The following NDUFAF2 variants were observed in gnomAD, a reference collection of about 807,000 sequenced individuals.
NDUFAF2 encodes the protein NADH dehydrogenase [ubiquinone] 1 alpha subcomplex assembly factor 2.
NDUFAF2 carries 13 observed loss-of-function variants against 22.8 expected under a neutral mutation model. That is an observed-to-expected ratio of 0.57 (90% CI 0.37 to 0.91). The LOEUF (loss-of-function observed/expected upper bound fraction) is 0.91, where lower values mean the gene tolerates loss of function less well. NDUFAF2 is among the 40% of genes least tolerant of loss of function. The pLI, the probability that NDUFAF2 is intolerant of heterozygous loss-of-function variation, is 0.01. For synonymous variants in NDUFAF2, 53 were observed against 64.2 expected (o/e 0.83, Z 0.84); for missense variants, 162 against 195.2 (o/e 0.83, Z 1.01).
rs113045276 is a variant in NDUFAF2, at chr5:61,052,069, A to T, written c.128-21056A>T. ...CGAAAAACAATATGTTACTTATTTT[A>T]AAAAAATCAAGCAATAAAGTACAAA... is the stretch of plus-strand genomic sequence containing the variant. On this transcript the variant is annotated intron_variant, in intron 1 of 3. Transcript: ENST00000296597. Among the ~76,000 whole-genome samples the T allele has an allele frequency of 3.6e-3, 547 of 152,250 alleles. 11 individuals are homozygous for T. The highest frequency in any genetic ancestry group is 0.012 in the African/African-American group (517 of 41,562).
rs1224955034 is a variant in NDUFAF2 at position 60,950,382 on chromosome 5, G to A, written c.127+5000G>A. On this transcript the variant is annotated intron_variant, in intron 1 of 3. Coordinates refer to ENST00000296597, the MANE Select transcript of NDUFAF2 (RefSeq NM_174889.5). The stretch of plus-strand genomic sequence containing the variant: ...TTTATTTTTAGGAGAGATGGGGTTC[G>A]CCATGTTGGACAGGCTGGTCTCGAA... Among the ~76,000 whole-genome samples, 7 of 151,922 alleles carry A rather than the reference G, an allele frequency of 4.6e-5. No homozygotes were observed. The South Asian group carries it at 6.3e-4, about 14-fold the overall frequency.
intron 1 of NDUFAF2, among the ~76,000 whole-genome samples, chr5:61,035,679 C>T (rs1319564762): frequency 1.3e-5 from 2 of 152,052 alleles, no homozygotes; most frequent in South Asian, 2.1e-4. Flanking sequence ...GGTAGCACTC[C>T]TCCTAATCAT....
intron 1 of NDUFAF2, among the ~76,000 whole-genome samples, chr5:61,051,673 T>C (rs967356345): frequency 6.6e-6 from 1 of 152,134 alleles, no homozygotes; most frequent in Non-Finnish European, 1.5e-5. Context: ...AATTGAGTTT[T>C]GTATAGGGAT....
At chr5:61,062,926 A>T (rs144650555) in intron 1 of NDUFAF2, among the ~76,000 whole-genome samples, 1 of 152,162 alleles carries the variant, frequency 6.6e-6, no homozygotes, top group Non-Finnish European at 1.5e-5. Context: ...AAAGAAATAA[A>T]CTGACAGTTA....
intron 1 of NDUFAF2, among the ~76,000 whole-genome samples, chr5:61,012,046 G>C (rs992606684): frequency 2.0e-5 from 3 of 152,046 alleles, no homozygotes; most frequent in African/African-American, 7.2e-5. Flanking sequence ...CGTCTTTAAA[G>C]CTTTGATAAT....
chr5:61,131,680 C>CA (rs1753113479), intron 3 of NDUFAF2, among the ~76,000 whole-genome samples: 2 of 151,574 alleles, frequency 1.3e-5, no homozygotes, highest in East Asian at 1.9e-4. Context: ...TATATTGACA[C>CA]AAAAAAGATG....
chr5:61,128,545 G>A (rs1048352605), intron 3 of NDUFAF2, among the ~76,000 whole-genome samples: 5 of 152,112 alleles, frequency 3.3e-5, no homozygotes, highest in Admixed American at 1.3e-4. Context: ...ACAAGAAATG[G>A]GGAAAGGTTT....
At chr5:61,139,758 G>T (rs1245160716) in intron 3 of NDUFAF2, among the ~76,000 whole-genome samples, 13 of 152,236 alleles carry the variant, frequency 8.5e-5, no homozygotes, top group Non-Finnish European at 1.5e-5. Flanking sequence ...GCAACCCAGA[G>T]TGAGAACTTA....
intron 1 of NDUFAF2, among the ~76,000 whole-genome samples, chr5:60,967,415 A>G (rs567116961): frequency 4.3e-4 from 65 of 152,076 alleles, no homozygotes; most frequent in African/African-American, 1.5e-3. Flanking sequence ...CCTTGTCTTG[A>G]TTCGGATCTT....
At chr5:60,969,995 G>T (rs1175016161) in intron 1 of NDUFAF2, among the ~76,000 whole-genome samples, 1 of 152,096 alleles carries the variant, frequency 6.6e-6, no homozygotes, top group African/African-American at 2.4e-5. Context: ...TTTCCCCACT[G>T]TGTGTTCTTG....
intron 1 of NDUFAF2, among the ~76,000 whole-genome samples, chr5:61,062,508 C>G (rs974846545): frequency 6.6e-6 from 1 of 151,868 alleles, no homozygotes; most frequent in East Asian, 1.9e-4. Context: ...TGGAATGACT[C>G]AGAGGAAAAA....
chr5:60,956,062 A>G (rs1750611164), intron 1 of NDUFAF2, among the ~76,000 whole-genome samples: 1 of 151,748 alleles, frequency 6.6e-6, no homozygotes, highest in Non-Finnish European at 1.5e-5. Context: ...CACCATGCCC[A>G]GCTAATTTTT....
At chr5:60,977,972 C>A (rs2619891) in intron 1 of NDUFAF2, among the ~76,000 whole-genome samples, 2 of 151,968 alleles carry the variant, frequency 1.3e-5, no homozygotes, top group African/African-American at 4.8e-5. Context: ...ATCATAGTAC[C>A]TAGTTTTAAA....
rs781737888 is a variant in NDUFAF2 at position 61,152,708 on chromosome 5, T to C, written c.263T>C (p.Ile88Thr). 3.3e-5 allele frequency: 52 copies of C among 1,555,706 alleles called. No homozygotes were observed. The highest frequency in any genetic ancestry group is 4.5e-5 in the Non-Finnish European group (52 of 1,149,798). ...TCCATTTATATATACATGCAGGAAA[T>C]ACTAAAGAATGAAAAACACAGAGAA... ...TRKTPPTMEE[I>T]LKNEKHREEI... is the part of the protein sequence containing the mutation. The change falls in exon 4 of 4, where the codon ATA (isoleucine) becomes ACA (threonine). Residue 88 changes from isoleucine (I) to threonine (T), a missense_variant. Physicochemically the swap from Ile to Thr is moderately conservative, Grantham distance 89 (BLOSUM62 -1). Coordinates refer to ENST00000296597, the MANE Select transcript of NDUFAF2 (RefSeq NM_174889.5).
At chr5:61,055,415 GT>G (rs1305149284) in intron 1 of NDUFAF2, among the ~76,000 whole-genome samples, 1 of 152,118 alleles carries the variant, frequency 6.6e-6, no homozygotes, top group Non-Finnish European at 1.5e-5. Flanking sequence ...AACTCTACAG[GT>G]TTTTGAAAGG....
At chr5:61,014,482 G>A (rs1751481956) in intron 1 of NDUFAF2, among the ~76,000 whole-genome samples, 1 of 152,110 alleles carries the variant, frequency 6.6e-6, no homozygotes, top group Admixed American at 6.6e-5. Context: ...CCTGAGTTCT[G>A]TGAGCTGTGC....
chr5:61,035,424 GTTTTTTTTTTTT>G (rs768889484), intron 1 of NDUFAF2, among the ~76,000 whole-genome samples: 123 of 40,524 alleles, frequency 3.0e-3, no homozygotes, highest in African/African-American at 0.012. Flanking sequence ...CTCTTGCTCT[GTTTTTTTTTTTT>G]TTTTTTTTTT....
At chr5:60,986,742 A>C (rs557008819) in intron 1 of NDUFAF2, among the ~76,000 whole-genome samples, 2 of 152,108 alleles carry the variant, frequency 1.3e-5, no homozygotes, top group South Asian at 4.1e-4. Flanking sequence ...CAGCCTGGCC[A>C]ACATAGTGAA....
At chr5:61,065,890 A>G (rs900386463) in intron 1 of NDUFAF2, among the ~76,000 whole-genome samples, 1 of 152,056 alleles carries the variant, frequency 6.6e-6, no homozygotes. Context: ...AAATCAGAAA[A>G]GAAGTAGAAT....
Sources: gnomAD v4.1 joint callset for allele counts (sites outside exome capture counted in the v4.1 genomes callset) on GRCh38, gnomAD v4.1.1 for gene constraint, MANE v1.5 for transcripts, NCBI Gene and HGNC (gene_info 2026-07-23, HGNC 2026-07-21) for gene names.